The following CADM1 variants were observed in gnomAD, a reference collection of about 807,000 sequenced individuals.
The protein encoded by CADM1 is cell adhesion molecule 1.
In CADM1, 15 loss-of-function variants were observed where a neutral mutation model predicts 53.1. The ratio of observed to expected loss-of-function variants is 0.28; its 90% CI spans 0.19 to 0.44. The LOEUF (loss-of-function observed/expected upper bound fraction) is 0.44. CADM1 is among the 20% of genes least tolerant of loss of function. The probability of loss-of-function intolerance (pLI) is 1.00; values close to 1 mark genes in which losing one functional copy is unlikely to be tolerated. For synonymous variants in CADM1, 281 were observed against 243.0 expected, an observed-to-expected ratio of 1.16 and a Z score of -1.45; for missense variants, 434 against 611.3, an observed-to-expected ratio of 0.71 and a Z score of 3.06.
In CADM1 at chr11:115,182,773, C is replaced by A. The variant is rs533972357; in HGVS notation, c.1166-3998G>T. The stretch of plus-strand genomic sequence containing the variant: ...CTGACAGCTCACAGTTGTGGTACAA[C>A]CCTCCCTGCCTGTCGTGTCCCATCC... On this transcript the variant is annotated intron_variant, in intron 10 of 11. Coordinates refer to ENST00000331581, the MANE Select transcript of CADM1 (RefSeq NM_001301043.2). Among the ~76,000 whole-genome samples the A allele has an allele frequency of 2.6e-5, 4 of 152,314 alleles. No homozygotes were observed. In the South Asian group the frequency reaches 6.2e-4, roughly 24 times the overall value.
chr11:115,251,147 C>G (rs1235499152), intron 1 of CADM1, among the ~76,000 whole-genome samples: 1 of 152,242 alleles, frequency 6.6e-6, no homozygotes, highest in Middle Eastern at 3.2e-3. Flanking sequence ...GAGGAGATGT[C>G]TGTTCTGCCA....
At chr11:115,271,129 G>A (rs1221748136) in intron 1 of CADM1, among the ~76,000 whole-genome samples, 1 of 152,142 alleles carries the variant, frequency 6.6e-6, no homozygotes, top group African/African-American at 2.4e-5. Flanking sequence ...TCCGAGATAG[G>A]TCCTTAGTAC....
intron 1 of CADM1, among the ~76,000 whole-genome samples, chr11:115,443,574 A>G (rs1195521792): frequency 6.6e-6 from 1 of 152,232 alleles, no homozygotes; most frequent in Non-Finnish European, 1.5e-5. Context: ...TATGGAATAA[A>G]TAAAACTACA....
intron 10 of CADM1, among the ~76,000 whole-genome samples, chr11:115,189,992 C>T (rs867217952): frequency 6.6e-6 from 1 of 152,164 alleles, no homozygotes; most frequent in Non-Finnish European, 1.5e-5. Context: ...AAGGACTGCA[C>T]CTCAATAGCC....
At chr11:115,203,888 G>A (rs1940555376) in intron 8 of CADM1, among the ~76,000 whole-genome samples, 1 of 152,136 alleles carries the variant, frequency 6.6e-6, no homozygotes, top group Non-Finnish European at 1.5e-5. Flanking sequence ...ACTTAAGACA[G>A]TATGAAGAAA....
At chr11:115,241,005 T>C (rs1942209244) in intron 1 of CADM1, 1 of 154,492 alleles carries the variant, frequency 6.5e-6, no homozygotes. Context: ...TTTGTTACTC[T>C]GCTCTCCGAA....
chr11:115,290,252 G>A (rs557470959), intron 1 of CADM1, among the ~76,000 whole-genome samples: 6 of 152,160 alleles, frequency 3.9e-5, no homozygotes, highest in Admixed American at 3.9e-4. Context: ...CTTCTGAGGG[G>A]AATGTTCATC....
At position 115,170,358 on chromosome 11, in the gene CADM1, C is replaced by T. The variant is rs933235852; in HGVS notation, c.*6116G>A. On this transcript the variant is annotated 3_prime_UTR_variant, in exon 12 of 12. Transcript: ENST00000331581. ...CAATGTCAGGTTCCTTGTTGGAATA[C>T]ATTCTGCATTTCAATAGGCAAGGCT... The T allele has an allele frequency of 6.6e-6, 1 of 152,160 alleles. No homozygotes were observed. Among genetic ancestry groups the T allele is most frequent in the African/African-American group, 2.4e-5 (1 of 41,410 alleles). The allele number at this position is 152,160 out of a possible 1,614,324, so 9.4% of individuals were successfully genotyped here. A position where few individuals can be genotyped will look rare whatever the true frequency, so the allele number is the denominator to read the frequency against.
At chr11:115,403,291 A>G (rs1947210429) in intron 1 of CADM1, among the ~76,000 whole-genome samples, 1 of 72 alleles carries the variant, frequency 0.014, no homozygotes, top group Non-Finnish European at 0.036. Context: ...ATAAAAGACA[A>G]AGGTGGAACT....
intron 1 of CADM1, among the ~76,000 whole-genome samples, chr11:115,485,790 C>CTAAG (rs1949360168): frequency 6.6e-6 from 1 of 152,202 alleles, no homozygotes; most frequent in Non-Finnish European, 1.5e-5. Flanking sequence ...TGTGAGAACG[C>CTAAG]TAAGACACAT....
At chr11:115,188,984 C>T (rs1307328839) in intron 10 of CADM1, among the ~76,000 whole-genome samples, 1 of 152,084 alleles carries the variant, frequency 6.6e-6, no homozygotes, top group Non-Finnish European at 1.5e-5. Flanking sequence ...TCAGCATCCC[C>T]TTCGAACAAA....
At chr11:115,493,562 A>C (rs1186821525) in intron 1 of CADM1, among the ~76,000 whole-genome samples, 1 of 152,148 alleles carries the variant, frequency 6.6e-6, no homozygotes, top group Non-Finnish European at 1.5e-5. Context: ...TTAATTATAA[A>C]GGGACAAAAA....
chr11:115,309,456 C>T (rs572698785), intron 1 of CADM1, among the ~76,000 whole-genome samples: 13 of 152,164 alleles, frequency 8.5e-5, no homozygotes, highest in Admixed American at 3.3e-4. Context: ...GCTTTTAAAA[C>T]GGTTCATTTT....
intron 1 of CADM1, among the ~76,000 whole-genome samples, chr11:115,287,018 G>C (rs1381159642): frequency 6.6e-6 from 1 of 152,224 alleles, no homozygotes; most frequent in East Asian, 1.9e-4. Flanking sequence ...CAATAAAAGA[G>C]AAGTAGTTTC....
intron 3 of CADM1, among the ~76,000 whole-genome samples, chr11:115,233,571 A>AT (rs1186109842): frequency 6.6e-6 from 1 of 152,194 alleles, no homozygotes; most frequent in African/African-American, 2.4e-5. Flanking sequence ...TTATAGGAAT[A>AT]TTTTTTACAT....
intron 1 of CADM1, among the ~76,000 whole-genome samples, chr11:115,407,834 C>G (rs1038657179): frequency 2.3e-5 from 3 of 128,422 alleles, no homozygotes. Context: ...CCATCGCACT[C>G]CAGCTTGGGT....
At chr11:115,345,116 C>T (rs1242565641) in intron 1 of CADM1, among the ~76,000 whole-genome samples, 1 of 152,124 alleles carries the variant, frequency 6.6e-6, no homozygotes, top group African/African-American at 2.4e-5. Flanking sequence ...CAATTTGGTC[C>T]CCTTTGTCCC....
At chr11:115,443,462 A>G (rs1948373066) in intron 1 of CADM1, among the ~76,000 whole-genome samples, 1 of 152,206 alleles carries the variant, frequency 6.6e-6, no homozygotes, top group African/African-American at 2.4e-5. Flanking sequence ...CAATCACAGC[A>G]TTGCCTCTCT....
At chr11:115,446,738 G>C (rs896500975) in intron 1 of CADM1, among the ~76,000 whole-genome samples, 5 of 152,134 alleles carry the variant, frequency 3.3e-5, no homozygotes, top group African/African-American at 1.2e-4. Context: ...CTGCTCTTTC[G>C]AAAGAGCAAG....
Sources: allele counts gnomAD v4.1 joint callset (sites outside exome capture counted in the v4.1 genomes callset), GRCh38; gene constraint gnomAD v4.1.1; transcripts MANE v1.5; gene names NCBI Gene and HGNC (gene_info 2026-07-23, HGNC 2026-07-21).